PCDHGA8: variants seen among roughly 807,000 people sequenced by gnomAD.
PCDHGA8 encodes the protein protocadherin gamma-A8.
A neutral mutation model predicts 59.2 loss-of-function variants in PCDHGA8; 45 were observed. The observed-to-expected ratio is 0.76, with a 90% confidence interval of 0.60 to 0.98. The LOEUF is 0.98. Among genes scored for constraint, PCDHGA8 ranks in the 50% least tolerant of loss-of-function variants. The pLI is 0.00. For synonymous variants in PCDHGA8, 531 were observed against 519.0 expected (o/e 1.02, Z -0.32); for missense variants, 1,257 against 1,196.2 (o/e 1.05, Z -0.75).
chr5:141,418,497 CCG>C, intron 1 of PCDHGA8: 1 of 1,613,994 alleles, frequency 6.2e-7, no homozygotes, highest in Non-Finnish European at 8.5e-7. Flanking sequence ...TTGGTACTGA[CCG>C]CCTTAGATGG....
At chr5:141,422,758 A>G in intron 1 of PCDHGA8, 1 of 1,613,150 alleles carries the variant, frequency 6.2e-7, no homozygotes, top group Non-Finnish European at 8.5e-7. Flanking sequence ...TATTAACTCC[A>G]ACACTGGTGT....
chr5:141,418,891 C>G (rs774546487), intron 1 of PCDHGA8: 4 of 1,613,842 alleles, frequency 2.5e-6, no homozygotes, highest in East Asian at 2.2e-5. Context: ...ACGACAACAG[C>G]CCAGAAATAA....
chr5:141,409,196 A>G (rs1197077093), intron 1 of PCDHGA8: 2 of 1,613,926 alleles, frequency 1.2e-6, no homozygotes, highest in Non-Finnish European at 1.7e-6. Flanking sequence ...TACCCAGTGT[A>G]AAGTAATCAT....
At chr5:141,510,124 A>G (rs2099879540) in intron 3 of PCDHGA8, among the ~76,000 whole-genome samples, 1 of 152,156 alleles carries the variant, frequency 6.6e-6, no homozygotes, top group Admixed American at 6.5e-5. Context: ...AAATACAAAA[A>G]TTAGCTGGGC....
intron 1 of PCDHGA8, among the ~76,000 whole-genome samples, chr5:141,460,365 A>G (rs887924740): frequency 6.6e-6 from 1 of 152,180 alleles, no homozygotes; most frequent in African/African-American, 2.4e-5. Context: ...TAGAAGTTTT[A>G]TAGTTTTACC....
At chr5:141,451,535 A>G (rs150174911) in intron 1 of PCDHGA8, among the ~76,000 whole-genome samples, 2 of 152,328 alleles carry the variant, frequency 1.3e-5, no homozygotes, top group Non-Finnish European at 2.9e-5. Flanking sequence ...GGAGAGTGCC[A>G]GAGAGGGCAA....
rs189767695 is a variant in PCDHGA8, at chr5:141,497,247, T to C, written c.2483+2382T>C. Among the ~76,000 whole-genome samples the C allele has an allele frequency of 2.0e-5, 3 of 151,456 alleles. No individual in the cohort carries two copies. The East Asian group carries it at 5.8e-4, about 29-fold the overall frequency. ...ATCAGAGAAGGCTTCTAGGAGGAGGTGACATTGAGAAGTTCTAGGCCATTT... is the reference window on the plus strand; with the variant it reads ...ATCAGAGAAGGCTTCTAGGAGGAGGCGACATTGAGAAGTTCTAGGCCATTT... On this transcript the variant is annotated intron_variant, in intron 2 of 3. Transcript: ENST00000398604.
chr5:141,410,184 A>AT, intron 1 of PCDHGA8: 1 of 1,613,918 alleles, frequency 6.2e-7, no homozygotes, highest in Non-Finnish European at 8.5e-7. Context: ...GCCACGCTTC[A>AT]TCTGGTCTTC....
In PCDHGA8 at chr5:141,491,357, T is replaced by C; in HGVS notation, c.2425-3450T>C. 6.2e-7 allele frequency: 1 copy of C among 1,614,144 alleles called. No homozygotes were observed. Among genetic ancestry groups the C allele is most frequent in the South Asian group, 1.1e-5 (1 of 91,080 alleles). On this transcript the variant is annotated intron_variant, in intron 1 of 3. Transcript: ENST00000398604. This position sits in a 1 kb window ranked among gnomAD's most constrained non-coding sequence, Gnocchi z 6.9. ...CTAGCGACCGTCAGTCTCTTATCCCTAGTCACCTTCACCTTTCTGTCAGCG... is the reference window on the plus strand; with the variant it reads ...CTAGCGACCGTCAGTCTCTTATCCCCAGTCACCTTCACCTTTCTGTCAGCG...
intron 1 of PCDHGA8, among the ~76,000 whole-genome samples, chr5:141,435,308 A>G (rs2097757210): frequency 6.6e-6 from 1 of 152,186 alleles, no homozygotes; most frequent in African/African-American, 2.4e-5. Flanking sequence ...GTTTTAAATC[A>G]TTCATGAACT....
At chr5:141,464,091 T>G (rs2099075583) in intron 1 of PCDHGA8, among the ~76,000 whole-genome samples, 1 of 151,812 alleles carries the variant, frequency 6.6e-6, no homozygotes, top group African/African-American at 2.4e-5. Flanking sequence ...ATGGTGAAAC[T>G]CCGTCTCTAC....
Position 141,393,214 on chromosome 5 carries a change from A to G in PCDHGA8, c.401A>G (p.Gln134Arg). ...ATTAACGATAATAACCCAAAATTCCAGGTCGAAGATCTAGAAGTAAAAATT... is the reference window on the plus strand; with the variant it reads ...ATTAACGATAATAACCCAAAATTCCGGGTCGAAGATCTAGAAGTAAAAATT... ...IDINDNNPKF[Q>R]VEDLEVKINE... The change falls in exon 1 of 4, where the codon CAG (glutamine) becomes CGG (arginine). Residue 134 changes from glutamine to arginine, a missense_variant. Gln to Arg is a conservative substitution (Grantham distance 43). Transcript: ENST00000398604. 6.2e-7 allele frequency: 1 copy of G among 1,613,636 alleles called. No individual in the cohort carries two copies. The highest frequency in any genetic ancestry group is 2.2e-5 in the East Asian group (1 of 44,886).
Position 141,491,733 on chromosome 5 carries a change from TG to T in PCDHGA8, c.2425-3069del. 6.2e-7 allele frequency: 1 copy of T among 1,602,698 alleles called. No individual in the cohort carries two copies. Among genetic ancestry groups the T allele is most frequent in the Non-Finnish European group, 8.5e-7 (1 of 1,175,258 alleles). On this transcript the variant is annotated intron_variant, in intron 1 of 3. Coordinates refer to ENST00000398604, the MANE Select transcript of PCDHGA8 (RefSeq NM_032088.2). This position sits in a 1 kb window ranked among gnomAD's most constrained non-coding sequence, Gnocchi z 6.9. ...GCTCGGCGCCGCCCCGGGCGACCCC[TG>T]GGGGCGGCACTGGAGAAGCCGCCCG...
At chr5:141,425,413 T>G (rs2096873899) in intron 1 of PCDHGA8, among the ~76,000 whole-genome samples, 1 of 152,202 alleles carries the variant, frequency 6.6e-6, no homozygotes, top group African/African-American at 2.4e-5. Context: ...AGGTATAACA[T>G]ATAGTCCCAT....
intron 1 of PCDHGA8, chr5:141,399,982 A>C: frequency 6.2e-7 from 1 of 1,612,330 alleles, no homozygotes; most frequent in Non-Finnish European, 8.5e-7. Context: ...GGGGCTGCGC[A>C]CAGGAGAGGT....
rs1186225096 is a variant in PCDHGA8, at chr5:141,490,605, C to G, written c.2425-4202C>G. The G allele has an allele frequency of 1.1e-5, 18 of 1,614,198 alleles. No homozygotes were observed. Among genetic ancestry groups the G allele is most frequent in the Non-Finnish European group, 1.5e-5 (18 of 1,180,030 alleles). On this transcript the variant is annotated intron_variant, in intron 1 of 3. Transcript: ENST00000398604. The surrounding 1 kb of genome is among the most constrained non-coding windows in gnomAD (Gnocchi z 5.4). ...TCAATGACAATGCACCCCGCTTCAACCAGCAGCTTTACACTGCTTACATCC... is the reference window on the plus strand; with the variant it reads ...TCAATGACAATGCACCCCGCTTCAAGCAGCAGCTTTACACTGCTTACATCC...
chr5:141,441,905 C>G, intron 1 of PCDHGA8: 1 of 348,464 alleles, frequency 2.9e-6, no homozygotes, highest in Non-Finnish European at 5.5e-6. Flanking sequence ...GCTGTAGACG[C>G]AGATGTGAGA....
intron 1 of PCDHGA8, chr5:141,441,702 A>G: frequency 3.2e-6 from 1 of 309,906 alleles, no homozygotes. Context: ...GCGAGCCTTC[A>G]AGCTCACGCT....
At chr5:141,492,163 C>G (rs921256341) in intron 1 of PCDHGA8, among the ~76,000 whole-genome samples, 3 of 152,232 alleles carry the variant, frequency 2.0e-5, no homozygotes, top group Admixed American at 6.5e-5. Flanking sequence ...CCTCCCTATC[C>G]CCGCATCACC....
Sources: allele counts gnomAD v4.1 joint callset (sites outside exome capture counted in the v4.1 genomes callset), GRCh38; gene constraint gnomAD v4.1.1; non-coding constraint Gnocchi (gnomAD v3.1); transcripts MANE v1.5; gene names NCBI Gene and HGNC (gene_info 2026-07-23, HGNC 2026-07-21).